CHRDL1: variants seen among roughly 807,000 people sequenced by gnomAD.
CHRDL1 encodes chordin like 1.
In CHRDL1, 19 loss-of-function variants were observed where a neutral mutation model predicts 40.9. The ratio of observed to expected loss-of-function variants is 0.46; its 90% CI spans 0.32 to 0.68. The LOEUF is 0.68. Among genes scored for constraint, CHRDL1 ranks in the 30% least tolerant of loss-of-function variants. The pLI is 0.03. For missense variants in CHRDL1, 329 were observed against 352.1 expected, an observed-to-expected ratio of 0.93 and a Z score of 0.53; for synonymous variants, 136 against 123.4, an observed-to-expected ratio of 1.10 and a Z score of -0.68.
intron 6 of CHRDL1, among the ~76,000 whole-genome samples, chrX:110,717,144 T>C (rs1056168575): frequency 2.7e-5 from 3 of 111,831 alleles, no homozygotes; most frequent in African/African-American, 6.5e-5. Context: ...AGACCACCAT[T>C]CTGCATCAGA....
At chrX:110,757,930 G>T (rs1790973970) in intron 4 of CHRDL1, among the ~76,000 whole-genome samples, 1 of 108,617 alleles carries the variant, frequency 9.2e-6, no homozygotes, top group African/African-American at 3.4e-5. Flanking sequence ...ATGTTGTTTT[G>T]CCCCATGCTC....
intron 7 of CHRDL1, among the ~76,000 whole-genome samples, chrX:110,699,533 T>G (rs1316298004): frequency 8.9e-6 from 1 of 112,286 alleles, no homozygotes; most frequent in Non-Finnish European, 1.9e-5. Flanking sequence ...ACAGAAAATA[T>G]AAAGTAAAAA....
chrX:110,723,093 T>C (rs2070992878), intron 4 of CHRDL1, among the ~76,000 whole-genome samples: 1 of 109,889 alleles, frequency 9.1e-6, no homozygotes, highest in Non-Finnish European at 1.9e-5. Context: ...TACTAAAAAA[T>C]ACAAAAAATT....
rs749673546 is a variant in CHRDL1 at position 110,698,191 on chromosome X, T to C, written c.609+2463A>G. Among the ~76,000 whole-genome samples the C allele has an allele frequency of 6.3e-5, 7 of 111,374 alleles. No homozygotes were observed. In the East Asian group the frequency reaches 1.4e-3, roughly 22 times the overall value. On this transcript the variant is annotated intron_variant, in intron 7 of 11. Coordinates refer to ENST00000372042, the MANE Select transcript of CHRDL1 (RefSeq NM_001143981.2). ...GCCTTTTCTTCTTGCCCTGAGGAAGTTGGGCCTGCAAAGGATATTCAGAAG... is the reference window on the plus strand; with the variant it reads ...GCCTTTTCTTCTTGCCCTGAGGAAGCTGGGCCTGCAAAGGATATTCAGAAG...
rs775983502 is a variant in CHRDL1, at chrX:110,697,879, C to T, written c.609+2775G>A. On this transcript the variant is annotated intron_variant, in intron 7 of 11. Transcript: ENST00000372042. Reference sequence around the variant, plus strand: ...ACACACACACACACACACACACACACGCAGACACACTCCCCACCAATGGCA... The same window carrying T: ...ACACACACACACACACACACACACATGCAGACACACTCCCCACCAATGGCA... 4.1e-3 allele frequency among the ~76,000 whole-genome samples: 363 copies of T among 88,892 alleles called. 5 individuals carry two copies. The highest frequency in any genetic ancestry group is 0.013 in the African/African-American group (297 of 23,053). The allele number at this position is 88,892 out of a possible 115,157, so 77.2% of individuals were successfully genotyped here.
intron 4 of CHRDL1, among the ~76,000 whole-genome samples, chrX:110,737,381 T>C (rs1291148545): frequency 9.0e-6 from 1 of 111,618 alleles, no homozygotes; most frequent in African/African-American, 3.3e-5. Context: ...AAAAATAGTG[T>C]CTAGTTAGCC....
chrX:110,710,754 T>C lies in CHRDL1; in HGVS notation c.541+9081A>G, dbSNP rs190733313. ...AACATTTCCATGGAAGGAGATCCAG[T>C]TGGGATTTAGATGAGGAGAGGTAGG... On this transcript the variant is annotated intron_variant, in intron 6 of 11. Transcript: ENST00000372042. Among the ~76,000 whole-genome samples, 30 of 111,925 alleles carry C rather than the reference T, an allele frequency of 2.7e-4. No individual in the cohort carries two copies. The East Asian group carries it at 6.4e-3, about 24-fold the overall frequency.
rs1022047433 is a variant in CHRDL1, at chrX:110,688,776, G to A, written c.806C>T (p.Ser269Phe). ...QVCVSNGKTY[S>F]HGESWHPNLR... ...GTTTGGGTGCCAGGACTCGCCATGA[G>A]AATAGGTCTTTCCATTGGAAACACA... The change falls in exon 9 of 12, where the codon TCT becomes TTT. Residue 269 changes from serine (S) to phenylalanine (F), a missense_variant. Coordinates refer to ENST00000372042, the MANE Select transcript of CHRDL1 (RefSeq NM_001143981.2). The A allele has an allele frequency of 1.7e-6, 2 of 1,207,124 alleles. No homozygotes were observed.
chrX:110,690,270 G>A (rs1304042835), intron 8 of CHRDL1, among the ~76,000 whole-genome samples: 2 of 104,914 alleles, frequency 1.9e-5, no homozygotes, highest in East Asian at 2.9e-4. Flanking sequence ...GGATGGTCTC[G>A]ATCTCCTGAC....
chrX:110,701,364 T>C (rs1360258644), intron 6 of CHRDL1, among the ~76,000 whole-genome samples: 2 of 112,093 alleles, frequency 1.8e-5, no homozygotes, highest in Non-Finnish European at 3.8e-5. Flanking sequence ...AGCCTTGTCT[T>C]AGAGATGTTT....
rs780795458 is a variant in CHRDL1 at position 110,681,605 on chromosome X, C to G, written c.1033G>C (p.Gly345Arg). Residue 345 changes from glycine to arginine, a missense_variant, in exon 10 of 12, where the codon GGG (glycine) becomes CGG (arginine). Coordinates refer to ENST00000372042, the MANE Select transcript of CHRDL1 (RefSeq NM_001143981.2). ...QSFDNKGYFCGEETMPVYESV... is the reference protein window; with the variant it reads ...QSFDNKGYFCREETMPVYESV... Reference sequence around the variant, plus strand: ...TCATACACAGGCATCGTTTCTTCCCCGCAGAAGTAGCCTTTATTGTCAAAG... The same window carrying G: ...TCATACACAGGCATCGTTTCTTCCCGGCAGAAGTAGCCTTTATTGTCAAAG... 6 of 1,206,280 alleles carry G rather than the reference C, an allele frequency of 5.0e-6. No individual in the cohort carries two copies. The East Asian group carries it at 1.8e-4, about 36-fold the overall frequency.
chrX:110,761,332 C>T (rs542447540), intron 3 of CHRDL1, among the ~76,000 whole-genome samples: 11 of 111,683 alleles, frequency 9.8e-5, no homozygotes, highest in African/African-American at 3.6e-4. Context: ...TTTCCACATG[C>T]TCAAAATTCT....
intron 2 of CHRDL1, among the ~76,000 whole-genome samples, chrX:110,768,852 T>C (rs1337391119): frequency 9.0e-6 from 1 of 111,208 alleles, no homozygotes; most frequent in African/African-American, 3.3e-5. Context: ...CTTGTGATCG[T>C]GTGAGTCAGT....
At chrX:110,681,181 A>C (rs1409759114) in intron 10 of CHRDL1, among the ~76,000 whole-genome samples, 1 of 111,598 alleles carries the variant, frequency 9.0e-6, no homozygotes, top group Non-Finnish European at 1.9e-5. Flanking sequence ...ATTTAAAGGA[A>C]ACCAAAACTC....
intron 6 of CHRDL1, among the ~76,000 whole-genome samples, chrX:110,704,242 A>T (rs909199542): frequency 9.0e-6 from 1 of 111,619 alleles, no homozygotes; most frequent in Non-Finnish European, 1.9e-5. Context: ...TGTACCTCAT[A>T]AATATATATG....
chrX:110,788,111 T>C (rs1304361906), intron 2 of CHRDL1, among the ~76,000 whole-genome samples: 4 of 112,460 alleles, frequency 3.6e-5, no homozygotes, highest in Non-Finnish European at 7.5e-5. Context: ...AAGGACCTTT[T>C]CCCAGCTAAA....
chrX:110,690,218 T>A (rs1401487618), intron 8 of CHRDL1, among the ~76,000 whole-genome samples: 1 of 103,772 alleles, frequency 9.6e-6, no homozygotes, highest in Non-Finnish European at 1.9e-5. Context: ...GCTAACTTTT[T>A]TTTGGATTTT....
In CHRDL1 at chrX:110,731,345, G is replaced by T. The variant is rs577031255; in HGVS notation, c.302-9815C>A. ...CAATAATAACAAGGGTTAGCAAGTA[G>T]GTGGAGAAATTGGAACCCTTATACA... On this transcript the variant is annotated intron_variant, in intron 4 of 11. Transcript: ENST00000372042. 1.3e-4 allele frequency among the ~76,000 whole-genome samples: 14 copies of T among 111,337 alleles called. No individual in the cohort carries two copies. In the South Asian group the frequency reaches 5.4e-3, roughly 43 times the overall value.
intron 2 of CHRDL1, among the ~76,000 whole-genome samples, chrX:110,779,892 T>A (rs948839466): frequency 8.9e-6 from 1 of 111,873 alleles, no homozygotes; most frequent in African/African-American, 3.2e-5. Flanking sequence ...ATAGATACTG[T>A]ACATATTTTG....
Sources: gnomAD v4.1 joint callset for allele counts (sites outside exome capture counted in the v4.1 genomes callset) on GRCh38, gnomAD v4.1.1 for gene constraint, MANE v1.5 for transcripts, NCBI Gene and HGNC (gene_info 2026-07-23, HGNC 2026-07-21) for gene names.